ASIC2: variants seen among roughly 807,000 people sequenced by gnomAD.
The protein encoded by ASIC2 is acid sensing ion channel subunit 2, also known as acid-sensing ion channel 2.
ASIC2 carries 25 observed loss-of-function variants against 57.3 expected under a neutral mutation model. The ratio of observed to expected loss-of-function variants is 0.44; its 90% CI spans 0.32 to 0.61. ASIC2 has a LOEUF of 0.61. Among genes scored for constraint, ASIC2 ranks in the 20% least tolerant of loss-of-function variants. ASIC2 has a pLI of 0.06. For missense variants in ASIC2, 641 were observed against 738.1 expected, an observed-to-expected ratio of 0.87 and a Z score of 1.52; for synonymous variants, 319 against 307.5, an observed-to-expected ratio of 1.04 and a Z score of -0.39.
At chr17:34,127,945 C>T (rs1911837279) in intron 1 of ASIC2, among the ~76,000 whole-genome samples, 1 of 152,124 alleles carries the variant, frequency 6.6e-6, no homozygotes, top group African/African-American at 2.4e-5. Context: ...TGAGCTCTAC[C>T]TTATTCTAGC....
intron 2 of ASIC2, among the ~76,000 whole-genome samples, chr17:33,093,881 C>T (rs550759783): frequency 3.8e-4 from 58 of 152,278 alleles, no homozygotes; most frequent in Non-Finnish European, 3.2e-4. Context: ...ATCTGAATAG[C>T]TAGGGGGAGT....
intron 1 of ASIC2, among the ~76,000 whole-genome samples, chr17:33,761,941 A>C (rs908098439): frequency 6.6e-6 from 1 of 151,384 alleles, no homozygotes; most frequent in African/African-American, 2.4e-5. Context: ...GTCAGGGGGT[A>C]GGGATGGAAC....
intron 1 of ASIC2, among the ~76,000 whole-genome samples, chr17:34,097,338 GT>G (rs1910583564): frequency 6.6e-6 from 1 of 151,978 alleles, no homozygotes; most frequent in Non-Finnish European, 1.5e-5. Context: ...AGTAGTTTGG[GT>G]TGGCATAAAT....
chr17:34,034,798 C>A lies in ASIC2; in HGVS notation c.555+121180G>T, dbSNP rs568244976. 9.0e-3 allele frequency among the ~76,000 whole-genome samples: 1,373 copies of A among 152,200 alleles called. 17 individuals carry two copies. Among genetic ancestry groups the A allele is most frequent in the African/African-American group, 0.031 (1,279 of 41,494 alleles). ...GAGAATAAAATACCTAGGAATCCAACTTATAAGGGATGTGAAGGACCTCTT... is the reference window on the plus strand; with the variant it reads ...GAGAATAAAATACCTAGGAATCCAAATTATAAGGGATGTGAAGGACCTCTT... On this transcript the variant is annotated intron_variant, in intron 1 of 9. Coordinates refer to the ASIC2 transcript ENST00000359872.
intron 1 of ASIC2, among the ~76,000 whole-genome samples, chr17:33,856,518 G>GGTAGTAGTAGTAATAGTATCAGTAGCA (rs1913945551): frequency 3.3e-5 from 5 of 151,054 alleles, no homozygotes; most frequent in South Asian, 2.1e-4. Context: ...TAGTGGTGGT[G>GGTAGTAGTAGTAATAGTATCAGTAGCA]GTGGTAGTAG....
chr17:33,101,853 T>C (rs943753073), intron 2 of ASIC2, among the ~76,000 whole-genome samples: 4 of 151,192 alleles, frequency 2.6e-5, no homozygotes, highest in African/African-American at 9.7e-5. Context: ...GTTTTTCCTG[T>C]TTTTTTTTCC....
chr17:33,456,879 G>A lies in ASIC2; in HGVS notation c.556-344812C>T, dbSNP rs1004943677. 4.6e-5 allele frequency among the ~76,000 whole-genome samples: 7 copies of A among 152,310 alleles called. No individual in the cohort carries two copies. The South Asian group carries it at 6.2e-4, about 14-fold the overall frequency. ...CTCATCTGTAAAATGGGGATAGTAC[G>A]AGTACTCAACAACTGTCAGATTGAA... On this transcript the variant is annotated intron_variant, in intron 1 of 9. Coordinates refer to the ASIC2 transcript ENST00000359872.
At chr17:33,267,820 G>T (rs1402253641) in intron 1 of ASIC2, among the ~76,000 whole-genome samples, 4 of 152,104 alleles carry the variant, frequency 2.6e-5, no homozygotes, top group African/African-American at 9.7e-5. Context: ...GAGGGAGGTG[G>T]CAAGGGGCAA....
At chr17:33,733,657 C>T (rs749320436) in intron 1 of ASIC2, among the ~76,000 whole-genome samples, 1 of 152,182 alleles carries the variant, frequency 6.6e-6, no homozygotes, top group East Asian at 1.9e-4. Flanking sequence ...ACAAAAGGGG[C>T]TAATTATCTT....
At position 34,132,895 on chromosome 17, in the gene ASIC2, C is replaced by A. The variant is rs1912032096; in HGVS notation, c.555+23083G>T. Among the ~76,000 whole-genome samples the A allele has an allele frequency of 2.6e-5, 4 of 152,332 alleles. 1 individual carries two copies. The South Asian group carries it at 8.3e-4, about 32-fold the overall frequency. ...CCTGTGCTCAGCTGACCTCTGTAGA[C>A]AGTGAGGGTAGGGCTCCCTAGAAGC... On this transcript the variant is annotated intron_variant, in intron 1 of 9. Coordinates refer to the ASIC2 transcript ENST00000359872.
At chr17:33,352,991 T>G (rs1439525534) in intron 1 of ASIC2, among the ~76,000 whole-genome samples, 4 of 152,148 alleles carry the variant, frequency 2.6e-5, no homozygotes, top group East Asian at 3.9e-4. Context: ...TCAGTAGAGA[T>G]GCACCAATAA....
At chr17:33,759,700 C>T (rs1269339394) in intron 1 of ASIC2, among the ~76,000 whole-genome samples, 1 of 152,174 alleles carries the variant, frequency 6.6e-6, no homozygotes, top group African/African-American at 2.4e-5. Context: ...GGCTCTGCTC[C>T]CTTCACCCCC....
chr17:33,559,160 T>C (rs1452798033), intron 1 of ASIC2, among the ~76,000 whole-genome samples: 2 of 152,210 alleles, frequency 1.3e-5, no homozygotes, highest in Non-Finnish European at 2.9e-5. Context: ...CTCCAGTATC[T>C]TCTAGCACTA....
chr17:33,069,609 T>C (rs916059298), intron 3 of ASIC2, among the ~76,000 whole-genome samples: 2 of 152,234 alleles, frequency 1.3e-5, no homozygotes, highest in African/African-American at 2.4e-5. Flanking sequence ...TCCCTGGTGA[T>C]ATTATTTGTT....
chr17:34,030,853 A>G (rs938258422), intron 1 of ASIC2, among the ~76,000 whole-genome samples: 4 of 152,366 alleles, frequency 2.6e-5, no homozygotes, highest in Admixed American at 2.6e-4. Flanking sequence ...TAGGTAAACA[A>G]AGAGGCCAGG....
intron 1 of ASIC2, among the ~76,000 whole-genome samples, chr17:33,807,949 C>T (rs1247673588): frequency 2.6e-5 from 4 of 152,216 alleles, no homozygotes; most frequent in South Asian, 2.1e-4. Context: ...TTATCAGACA[C>T]ATCTTTTGCA....
chr17:33,858,109 G>A (rs1392341613), intron 1 of ASIC2, among the ~76,000 whole-genome samples: 2 of 152,162 alleles, frequency 1.3e-5, no homozygotes, highest in African/African-American at 2.4e-5. Context: ...ACTCTCCTCT[G>A]TCTCTCCCTA....
chr17:33,266,816 C>T (rs1909480747), intron 1 of ASIC2, among the ~76,000 whole-genome samples: 1 of 152,138 alleles, frequency 6.6e-6, no homozygotes, highest in Admixed American at 6.5e-5. Context: ...GGGCCATTAC[C>T]TTGTCAAAAT....
At chr17:33,663,127 T>G (rs925214061) in intron 1 of ASIC2, among the ~76,000 whole-genome samples, 1 of 152,192 alleles carries the variant, frequency 6.6e-6, no homozygotes, top group African/African-American at 2.4e-5. Context: ...TCATTTCATC[T>G]TCAAAATAAC....
Sources: gnomAD v4.1 joint callset for allele counts (sites outside exome capture counted in the v4.1 genomes callset) on GRCh38, gnomAD v4.1.1 for gene constraint, MANE v1.5 for transcripts, NCBI Gene and HGNC (gene_info 2026-07-23, HGNC 2026-07-21) for gene names.